The following FHOD3 variants were observed in gnomAD, a reference collection of about 807,000 sequenced individuals.
The protein encoded by FHOD3 is FH1/FH2 domain-containing protein 3.
A neutral mutation model predicts 173.0 loss-of-function variants in FHOD3; 90 were observed. The observed-to-expected ratio is 0.52, with a 90% confidence interval of 0.44 to 0.62. The LOEUF is 0.62. FHOD3 is among the 20% of genes least tolerant of loss of function. The pLI, the probability that FHOD3 is intolerant of heterozygous loss-of-function variation, is 0.00. For synonymous variants in FHOD3, 828 were observed against 823.0 expected (o/e 1.01, Z -0.10); for missense variants, 1,945 against 2,034.7 (o/e 0.96, Z 0.85).
Position 36,624,163 on chromosome 18 carries a change from C to T in FHOD3, c.958-1348C>T, listed in dbSNP as rs999762525. ...AGGAATTTATGGGCATCTTAGGTCA[C>T]TTCCTGTGAGAGAATGGATAGGGGA... On this transcript the variant is annotated intron_variant, in intron 9 of 28. Coordinates refer to ENST00000590592, the MANE Select transcript of FHOD3 (RefSeq NM_001281740.3). Among the ~76,000 whole-genome samples the T allele has an allele frequency of 2.6e-5, 4 of 152,164 alleles. No homozygotes were observed. In the East Asian group the frequency reaches 5.8e-4, roughly 22 times the overall value.
At chr18:36,602,970 C>A (rs560585357) in intron 8 of FHOD3, among the ~76,000 whole-genome samples, 28 of 152,218 alleles carry the variant, frequency 1.8e-4, no homozygotes, top group African/African-American at 6.3e-4. Context: ...TGTGAACATG[C>A]AAAGAAGACA....
chr18:36,765,850 C>T (rs981203567), intron 27 of FHOD3, among the ~76,000 whole-genome samples: 3 of 152,006 alleles, frequency 2.0e-5, no homozygotes, highest in African/African-American at 4.8e-5. Context: ...GTTGAATGGT[C>T]TAACATGTGT....
chr18:36,558,458 G>T (rs1568425287), intron 5 of FHOD3, among the ~76,000 whole-genome samples: 1 of 152,112 alleles, frequency 6.6e-6, no homozygotes, highest in East Asian at 1.9e-4. Context: ...TCCTCTTTTG[G>T]CCAGAAGCGG....
At chr18:36,365,801 G>C (rs549574443) in intron 2 of FHOD3, among the ~76,000 whole-genome samples, 1 of 152,290 alleles carries the variant, frequency 6.6e-6, no homozygotes, top group South Asian at 2.1e-4. Context: ...GAGGACACTA[G>C]CTGAGCGGAA....
intron 3 of FHOD3, among the ~76,000 whole-genome samples, chr18:36,446,766 A>G (rs2051507408): frequency 6.6e-6 from 1 of 152,048 alleles, no homozygotes; most frequent in Non-Finnish European, 1.5e-5. Flanking sequence ...CTTAGTGCAA[A>G]TCAGTGCTTT....
At chr18:36,572,351 G>T (rs1273996358) in intron 5 of FHOD3, among the ~76,000 whole-genome samples, 1 of 152,098 alleles carries the variant, frequency 6.6e-6, no homozygotes, top group African/African-American at 2.4e-5. Flanking sequence ...TTCTGTGTGG[G>T]TTTTATTCTC....
chr18:36,694,976 G>GGTGTGTGT (rs34946996), intron 17 of FHOD3, among the ~76,000 whole-genome samples: 129 of 149,136 alleles, frequency 8.6e-4, no homozygotes, highest in African/African-American at 2.5e-3. Context: ...TGTATACGTG[G>GGTGTGTGT]GTGTGTGTGT....
intron 2 of FHOD3, among the ~76,000 whole-genome samples, chr18:36,361,579 G>C (rs534606914): frequency 1.3e-5 from 2 of 151,818 alleles, no homozygotes; most frequent in African/African-American, 2.4e-5. Flanking sequence ...CCAGCTACTC[G>C]GGAGGCTGAG....
chr18:36,427,693 G>T (rs2050323677), intron 3 of FHOD3, among the ~76,000 whole-genome samples: 1 of 152,134 alleles, frequency 6.6e-6, no homozygotes, highest in Non-Finnish European at 1.5e-5. Context: ...TCGAGAGACT[G>T]TTTTTTTCAT....
At position 36,779,878 on chromosome 18, in the gene FHOD3, A is replaced by T. The variant is rs116384191; in HGVS notation, c.*348A>T. Reference sequence around the variant, plus strand: ...TATTATGGTAATATGAGGCAATCTGATTAGCTTCACAGACTGAGTCTCCAC... The same window carrying T: ...TATTATGGTAATATGAGGCAATCTGTTTAGCTTCACAGACTGAGTCTCCAC... On this transcript the variant is annotated 3_prime_UTR_variant, in exon 29 of 29. Transcript: ENST00000590592. 2.3e-6 allele frequency: 1 copy of T among 442,824 alleles called. No individual in the cohort carries two copies. The highest frequency in any genetic ancestry group is 2.0e-5 in the African/African-American group (1 of 50,596). The allele number at this position is 442,824 out of a possible 1,614,324, so 27.4% of individuals were successfully genotyped here. A position where few individuals can be genotyped will look rare whatever the true frequency, so the allele number is the denominator to read the frequency against.
intron 10 of FHOD3, among the ~76,000 whole-genome samples, chr18:36,641,441 A>G (rs951728991): frequency 5.9e-5 from 9 of 152,202 alleles, no homozygotes; most frequent in African/African-American, 1.9e-4. Flanking sequence ...GTCATGTACA[A>G]AATTCCATCT....
At chr18:36,374,782 C>T (rs928804275) in intron 3 of FHOD3, among the ~76,000 whole-genome samples, 1 of 152,202 alleles carries the variant, frequency 6.6e-6, no homozygotes, top group Non-Finnish European at 1.5e-5. Context: ...CACAGGTAGA[C>T]CGGCATGTTT....
chr18:36,487,500 G>T (rs762369026), intron 3 of FHOD3, among the ~76,000 whole-genome samples: 4 of 152,166 alleles, frequency 2.6e-5, no homozygotes, highest in Non-Finnish European at 4.4e-5. Context: ...GGACCCTTCT[G>T]TAACTGTGTT....
intron 3 of FHOD3, among the ~76,000 whole-genome samples, chr18:36,492,390 G>A (rs566740993): frequency 4.6e-5 from 7 of 152,162 alleles, no homozygotes; most frequent in East Asian, 1.9e-4. Context: ...CCAAATAGGC[G>A]AAATTTTATG....
chr18:36,532,888 G>A (rs181726733), intron 5 of FHOD3, among the ~76,000 whole-genome samples: 10 of 152,332 alleles, frequency 6.6e-5, no homozygotes, highest in Admixed American at 2.0e-4. Context: ...ATAGTGTCTC[G>A]TTGTGTCATT....
At chr18:36,522,548 C>T (rs2056325532) in intron 5 of FHOD3, among the ~76,000 whole-genome samples, 1 of 152,090 alleles carries the variant, frequency 6.6e-6, no homozygotes, top group Non-Finnish European at 1.5e-5. Context: ...TTATACTGTA[C>T]AGCCTGTTTT....
chr18:36,770,187 G>A (rs1235869731), intron 28 of FHOD3, among the ~76,000 whole-genome samples: 2 of 152,328 alleles, frequency 1.3e-5, no homozygotes, highest in South Asian at 2.1e-4. Context: ...TCAGCCAGCC[G>A]CTGGGTCACT....
At chr18:36,457,551 A>G (rs1439972159) in intron 3 of FHOD3, among the ~76,000 whole-genome samples, 1 of 146,916 alleles carries the variant, frequency 6.8e-6, no homozygotes, top group Non-Finnish European at 1.5e-5. Flanking sequence ...AAAAAGAAAA[A>G]AAGGGAAAGG....
At chr18:36,503,516 G>C (rs1416221649) in intron 4 of FHOD3, among the ~76,000 whole-genome samples, 1 of 152,218 alleles carries the variant, frequency 6.6e-6, no homozygotes, top group Non-Finnish European at 1.5e-5. Flanking sequence ...TCCCTTCTCT[G>C]TGTTGACATT....
Sources: allele counts gnomAD v4.1 joint callset (sites outside exome capture counted in the v4.1 genomes callset), GRCh38; gene constraint gnomAD v4.1.1; transcripts MANE v1.5; gene names NCBI Gene and HGNC (gene_info 2026-07-23, HGNC 2026-07-21).